FABP12: variants seen among roughly 807,000 people sequenced by gnomAD.
The protein encoded by FABP12 is fatty acid-binding protein 12.
A neutral mutation model predicts 13.7 loss-of-function variants in FABP12; 19 were observed. The observed-to-expected ratio is 1.39, with a 90% CI of 0.97 to 2.04. The LOEUF is 2.04. Among genes scored for constraint, FABP12 ranks in the 30% most tolerant of loss-of-function variants. FABP12 has a pLI of 0.00. For missense variants in FABP12, 182 were observed against 164.2 expected, an observed-to-expected ratio of 1.11 and a Z score of -0.59; for synonymous variants, 61 against 57.0, an observed-to-expected ratio of 1.07 and a Z score of -0.32.
chr8:81,564,134 T>C (rs1203706664), intron 1 of FABP12, among the ~76,000 whole-genome samples: 1 of 151,934 alleles, frequency 6.6e-6, no homozygotes, highest in Non-Finnish European at 1.5e-5. Flanking sequence ...GAGAGTGGCA[T>C]GGAATATGTA....
intron 1 of FABP12, among the ~76,000 whole-genome samples, chr8:81,584,588 C>CAAT (rs1810215590): frequency 1.3e-3 from 1 of 758 alleles, no homozygotes; most frequent in Non-Finnish European, 5.8e-3. Context: ...CCACCCTGAC[C>CAAT]CAATCCCCTG....
intron 1 of FABP12, among the ~76,000 whole-genome samples, chr8:81,585,075 C>A (rs1413436045): frequency 2.6e-5 from 4 of 152,156 alleles, no homozygotes; most frequent in Non-Finnish European, 4.4e-5. Context: ...TGTGCAGAAG[C>A]TTTTCAGTTT....
At chr8:81,539,648 T>G (rs1218581015) in exon 2 of FABP12, among the ~76,000 whole-genome samples, 1 of 152,196 alleles carries the variant, frequency 6.6e-6, no homozygotes, top group East Asian at 1.9e-4. Context: ...GACTGCTCAC[T>G]GAAGGCTGCT....
At chr8:81,538,882 C>G (rs1196693724), upstream of FABP12, among the ~76,000 whole-genome samples, 1 of 152,146 alleles carries the variant, frequency 6.6e-6, no homozygotes, top group Non-Finnish European at 1.5e-5. Flanking sequence ...TGGAGTCTCA[C>G]TCTGTCACCC....
At chr8:81,558,099 A>G (rs1400671912) in intron 1 of FABP12, among the ~76,000 whole-genome samples, 1 of 152,230 alleles carries the variant, frequency 6.6e-6, no homozygotes, top group African/African-American at 2.4e-5. Context: ...TTGCATGAGC[A>G]TTATTATTGG....
At chr8:81,540,506 T>C (rs1809318665) in intron 1 of FABP12, among the ~76,000 whole-genome samples, 1 of 152,212 alleles carries the variant, frequency 6.6e-6, no homozygotes, top group South Asian at 2.1e-4. Flanking sequence ...CTTCATGTAA[T>C]CTCAGATATA....
chr8:81,544,597 G>T (rs59583530), intron 1 of FABP12, among the ~76,000 whole-genome samples: 1 of 151,870 alleles, frequency 6.6e-6, no homozygotes, highest in African/African-American at 2.4e-5. Context: ...GGGGAACAAG[G>T]TCTCTTAATA....
intron 1 of FABP12, among the ~76,000 whole-genome samples, chr8:81,539,785 C>T (rs1441651133): frequency 6.6e-6 from 1 of 152,146 alleles, no homozygotes; most frequent in Non-Finnish European, 1.5e-5. Flanking sequence ...ACCCAGGCAG[C>T]CTGAAGGCCT....
intron 1 of FABP12, among the ~76,000 whole-genome samples, chr8:81,558,887 CAAAAAAAAAA>C (rs35682824): frequency 3.9e-4 from 26 of 67,530 alleles, no homozygotes; most frequent in Non-Finnish European, 7.1e-4. Context: ...AAGGCTCCAT[CAAAAAAAAAA>C]AAAAAAAAAA....
At chr8:81,576,780 A>T (rs1216858431) in intron 1 of FABP12, among the ~76,000 whole-genome samples, 2 of 152,240 alleles carry the variant, frequency 1.3e-5, no homozygotes, top group Non-Finnish European at 2.9e-5. Context: ...CTATATGTTT[A>T]TCATGAGTAG....
chr8:81,583,267 TA>T (rs1585861665), intron 1 of FABP12, among the ~76,000 whole-genome samples: 1 of 151,912 alleles, frequency 6.6e-6, no homozygotes, highest in East Asian at 1.9e-4. Context: ...ATATTTCAAA[TA>T]AACAATCTAA....
intron 3 of FABP12, among the ~76,000 whole-genome samples, chr8:81,528,094 T>G (rs189803285): frequency 7.4e-4 from 113 of 152,248 alleles, no homozygotes; most frequent in Non-Finnish European, 8.2e-4. Flanking sequence ...TGTTGTTGTT[T>G]TTGGAGATAG....
intron 1 of FABP12, among the ~76,000 whole-genome samples, chr8:81,576,920 G>C (rs192531312): frequency 2.6e-4 from 40 of 152,298 alleles, no homozygotes; most frequent in African/African-American, 9.1e-4. Flanking sequence ...CCATCTAAAA[G>C]TGGCAGAAGT....
At chr8:81,550,539 A>G (rs1383218856) in intron 1 of FABP12, among the ~76,000 whole-genome samples, 2 of 152,282 alleles carry the variant, frequency 1.3e-5, no homozygotes, top group East Asian at 1.9e-4. Context: ...TTTCATGAGT[A>G]TGTTCGAATC....
At chr8:81,586,449 C>T (rs528223283) in intron 1 of FABP12, among the ~76,000 whole-genome samples, 3 of 152,308 alleles carry the variant, frequency 2.0e-5, no homozygotes, top group Admixed American at 6.5e-5. Flanking sequence ...AACTAATTTA[C>T]GTTCTAACCA....
chr8:81,526,976 G>A lies in FABP12; in HGVS notation c.348+44C>T, dbSNP rs897114788. 1.6e-5 allele frequency: 18 copies of A among 1,094,874 alleles called. No homozygotes were observed. In the Admixed American group the frequency reaches 3.1e-4, roughly 19 times the overall value. 67.8% of individuals were successfully genotyped at this position (1,094,874 alleles called of 1,614,324 possible). ...GAGAACAAGTTGTGATTTTATATTA[G>A]TCGTTGCAGAAGGTGGGAAGAAAGC... On this transcript the variant is annotated intron_variant, in intron 4 of 4. Transcript: ENST00000360464.
intron 3 of FABP12, among the ~76,000 whole-genome samples, chr8:81,527,507 C>T (rs1808937171): frequency 6.6e-6 from 1 of 152,060 alleles, no homozygotes; most frequent in African/African-American, 2.4e-5. Flanking sequence ...GGATTACAGG[C>T]ACATACCACC....
chr8:81,525,555 TGATA>T (rs571165240), intron 4 of FABP12, among the ~76,000 whole-genome samples: 16 of 148,406 alleles, frequency 1.1e-4, no homozygotes, highest in South Asian at 1.1e-3. Flanking sequence ...GATAGATAGA[TGATA>T]GATAGATAGA....
chr8:81,530,360 T>C (rs999112025), intron 2 of FABP12, among the ~76,000 whole-genome samples: 2 of 152,200 alleles, frequency 1.3e-5, no homozygotes, highest in African/African-American at 4.8e-5. Context: ...GACCAAAATT[T>C]ATTTTGTCTG....
Sources: gnomAD v4.1 joint callset for allele counts (sites outside exome capture counted in the v4.1 genomes callset) on GRCh38, gnomAD v4.1.1 for gene constraint, MANE v1.5 for transcripts, NCBI Gene and HGNC (gene_info 2026-07-23, HGNC 2026-07-21) for gene names.